The following ABCB9 variants were observed in gnomAD, a reference collection of about 807,000 sequenced individuals.
ABCB9 encodes the protein ATP binding cassette subfamily B member 9.
Under a neutral mutation model 62.0 loss-of-function variants are expected in ABCB9, and 36 were observed. The ratio of observed to expected loss-of-function variants is 0.58; its 90% CI spans 0.45 to 0.77. The LOEUF (loss-of-function observed/expected upper bound fraction) is 0.77, where lower values mean the gene tolerates loss of function less well. Among genes scored for constraint, ABCB9 ranks in the 30% least tolerant of loss-of-function variants. ABCB9 has a pLI of 0.00. For missense variants in ABCB9, 943 were observed against 1,054.7 expected (o/e 0.89, Z 1.47); for synonymous variants, 435 against 461.4 (o/e 0.94, Z 0.73).
At chr12:122,922,011 G>A (rs939763505) in intron 11 of ABCB9, among the ~76,000 whole-genome samples, 1 of 152,124 alleles carries the variant, frequency 6.6e-6, no homozygotes, top group Non-Finnish European at 1.5e-5. Flanking sequence ...AATAGAGGCG[G>A]CTAGGGAGGG....
At chr12:122,960,452 T>A in intron 1 of ABCB9, 130 bp from the exon 2 acceptor site, 1 of 632,168 alleles carries the variant, frequency 1.6e-6, no homozygotes, top group Admixed American at 3.1e-5. Context: ...AATATCAACT[T>A]CCCGGGTACT....
At chr12:122,921,449 A>AATGTT (rs1334451754) in intron 11 of ABCB9, among the ~76,000 whole-genome samples, 1 of 151,996 alleles carries the variant, frequency 6.6e-6, no homozygotes, top group East Asian at 1.9e-4. Context: ...TGCAATGGTT[A>AATGTT]ATGTTATGTT....
At chr12:122,948,429 T>A in intron 5 of ABCB9, 195 bp downstream of exon 5, 1 of 544,624 alleles carries the variant, frequency 1.8e-6, no homozygotes, top group Non-Finnish European at 3.1e-6. Context: ...TTTTCACTGA[T>A]GTATCCCAGT....
chr12:122,955,325 G>A (rs974520308), intron 2 of ABCB9, among the ~76,000 whole-genome samples: 2 of 152,250 alleles, frequency 1.3e-5, no homozygotes, highest in African/African-American at 2.4e-5. Flanking sequence ...ATTTAAGGAT[G>A]TCTGCATTCC....
chr12:122,944,326 G>T lies in ABCB9; in HGVS notation c.1380+65C>A. 1 of 1,463,744 alleles carries T rather than the reference G, an allele frequency of 6.8e-7. No homozygotes were observed. Among genetic ancestry groups the T allele is most frequent in the East Asian group, 2.4e-5 (1 of 40,912 alleles). The allele number at this position is 1,463,744 out of a possible 1,614,324, so 90.7% of individuals were successfully genotyped here. A position where few individuals can be genotyped will look rare whatever the true frequency, so the allele number is the denominator to read the frequency against. The stretch of plus-strand genomic sequence containing the variant: ...GTCCCTGGAGCCCCGCCCCCACCCT[G>T]TTAAGATCCCTCTTCCCCAAACTCC... On this transcript the variant is annotated intron_variant, in intron 7 of 11. Transcript: ENST00000280560. The surrounding 1 kb of genome is among the most constrained non-coding windows in gnomAD (Gnocchi z 4.9).
At chr12:122,956,152 T>C (rs543199076) in intron 2 of ABCB9, among the ~76,000 whole-genome samples, 7 of 152,194 alleles carry the variant, frequency 4.6e-5, no homozygotes, top group Non-Finnish European at 8.8e-5. Context: ...CCTGGTTTAA[T>C]GGGAAGGGGT....
intron 1 of ABCB9, 62 bp from the exon 2 acceptor site, chr12:122,960,384 G>T: frequency 2.6e-6 from 3 of 1,139,488 alleles, no homozygotes; most frequent in Non-Finnish European, 3.6e-6. Context: ...CTGGCTGTGT[G>T]ACCTTGAGAA....
upstream of ABCB9, among the ~76,000 whole-genome samples, chr12:122,970,296 G>C (rs1272117126): frequency 6.6e-6 from 1 of 152,184 alleles, no homozygotes; most frequent in Non-Finnish European, 1.5e-5. Flanking sequence ...CACCCAGGCT[G>C]CAGGGCAGTG....
intron 2 of ABCB9, among the ~76,000 whole-genome samples, chr12:122,954,524 A>G (rs2036529311): frequency 6.6e-6 from 1 of 150,838 alleles, no homozygotes. Context: ...ACAGAGTCTC[A>G]TTCCGTCACC....
Position 122,944,372 on chromosome 12 carries a change from G to A in ABCB9, c.1380+19C>T, listed in dbSNP as rs185804423. ...ACTCCTCCCTTCTCTCTGGATCCCC[G>A]GACACACTGGCCTCTCACCTCCATA... is the stretch of plus-strand genomic sequence containing the variant. On this transcript the variant is annotated intron_variant, in intron 7 of 11. Coordinates refer to ENST00000280560, the MANE Select transcript of ABCB9 (RefSeq NM_019625.4). The surrounding 1 kb of genome is among the most constrained non-coding windows in gnomAD (Gnocchi z 4.9). The A allele has an allele frequency of 4.4e-5, 63 of 1,441,848 alleles. No homozygotes were observed. Among genetic ancestry groups the A allele is most frequent in the African/African-American group, 1.3e-4 (9 of 68,304 alleles). 89.3% of individuals were successfully genotyped at this position (1,441,848 alleles called of 1,614,324 possible). A position where few individuals can be genotyped will look rare whatever the true frequency, so the allele number is the denominator to read the frequency against.
rs538937989 is a variant in ABCB9 at position 122,948,433 on chromosome 12, T to G, written c.1053+191A>C. 1.4e-4 allele frequency: 78 copies of G among 565,452 alleles called. 1 individual carries two copies. In the South Asian group the frequency reaches 1.8e-3, roughly 13 times the overall value. 35.0% of individuals were successfully genotyped at this position (565,452 alleles called of 1,614,324 possible). ...GGGCCTTGTCTTTTTCACTGATGTA[T>G]CCCAGTGCCTGGGACATAGCAGGTG... On this transcript the variant is annotated intron_variant, in intron 5 of 11. Transcript: ENST00000280560.
rs1199504775 is a variant in ABCB9, at chr12:122,931,954, C to T, written c.2040+238G>A. On this transcript the variant is annotated intron_variant, in intron 11 of 11. Transcript: ENST00000280560. ...CCACCACTCATGACCCAGGTCTCCC[C>T]ATTCTGATGCCTTCTCTTGCCCCAC... The T allele has an allele frequency of 4.5e-6, 3 of 669,516 alleles. No homozygotes were observed. In the Admixed American group the frequency reaches 8.9e-5, roughly 20 times the overall value. The allele number at this position is 669,516 out of a possible 1,614,324, so 41.5% of individuals were successfully genotyped here.
At chr12:122,927,522 G>A (rs1253211372), downstream of ABCB9, among the ~76,000 whole-genome samples, 6 of 152,148 alleles carry the variant, frequency 3.9e-5, no homozygotes, top group Admixed American at 6.6e-5. Context: ...AAGGTAATTC[G>A]GTCTCTGGAA....
chr12:122,956,950 G>A (rs1196561397), intron 2 of ABCB9, among the ~76,000 whole-genome samples: 1 of 151,966 alleles, frequency 6.6e-6, no homozygotes, highest in African/African-American at 2.4e-5. Flanking sequence ...GAGCCACCGC[G>A]CCCAGCTTAA....
Position 122,944,276 on chromosome 12 carries a change from TA to T in ABCB9, c.1380+114del. Reference sequence around the variant, plus strand: ...ATCATGCTGTCTCCCCTACTTACCTTAGAGAGAAATACCACATTGTCAGAGT... The same window carrying T: ...ATCATGCTGTCTCCCCTACTTACCTTGAGAGAAATACCACATTGTCAGAGT... On this transcript the variant is annotated intron_variant, in intron 7 of 11. Coordinates refer to ENST00000280560, the MANE Select transcript of ABCB9 (RefSeq NM_019625.4). This position sits in a 1 kb window ranked among gnomAD's most constrained non-coding sequence, Gnocchi z 4.9. 1 of 1,443,866 alleles carries T rather than the reference TA, an allele frequency of 6.9e-7. No homozygotes were observed. The highest frequency in any genetic ancestry group is 1.3e-5 in the South Asian group (1 of 76,102). 89.4% of individuals were successfully genotyped at this position (1,443,866 alleles called of 1,614,324 possible). A position where few individuals can be genotyped will look rare whatever the true frequency, so the allele number is the denominator to read the frequency against.
At chr12:122,943,503 C>T (rs1200250253) in intron 7 of ABCB9, among the ~76,000 whole-genome samples, 1 of 152,218 alleles carries the variant, frequency 6.6e-6, no homozygotes, top group Admixed American at 6.6e-5. Context: ...GGACGAGTCA[C>T]TCCACCGCTC....
At chr12:122,945,737 G>C (rs566331365) in intron 6 of ABCB9, among the ~76,000 whole-genome samples, 55 of 152,184 alleles carry the variant, frequency 3.6e-4, no homozygotes, top group African/African-American at 1.3e-3. Context: ...AATTAGCCAG[G>C]CATGGTGGCG....
Position 122,960,298 on chromosome 12 carries a change from C to T in ABCB9, c.-63G>A. The T allele has an allele frequency of 6.4e-7, 1 of 1,561,380 alleles. No homozygotes were observed. Among genetic ancestry groups the T allele is most frequent in the Non-Finnish European group, 8.7e-7 (1 of 1,152,394 alleles). On this transcript the variant is annotated 5_prime_UTR_variant, in exon 2 of 12. It removes an upstream start codon present in the reference 5' UTR. Transcript: ENST00000280560. ...TTGTAGCTCACGGGGGCAAGGCCATCATCATCCACAGGGCGAGGCCAGGCC... is the reference window on the plus strand; with the variant it reads ...TTGTAGCTCACGGGGGCAAGGCCATTATCATCCACAGGGCGAGGCCAGGCC...
Position 122,929,430 on chromosome 12 carries a change from A to T in ABCB9, c.*481T>A. 1.0e-6 allele frequency: 1 copy of T among 987,150 alleles called. No individual in the cohort carries two copies. The highest frequency in any genetic ancestry group is 4.7e-5 in the South Asian group (1 of 21,310). 61.1% of individuals were successfully genotyped at this position (987,150 alleles called of 1,614,324 possible). A position where few individuals can be genotyped will look rare whatever the true frequency, so the allele number is the denominator to read the frequency against. ...CCCGTTCCCCGTGTCTCCCTCCGGG[A>T]CAGGGAAGCCCCTTCTCTGGAGGGG... On this transcript the variant is annotated 3_prime_UTR_variant, in exon 12 of 12. Coordinates refer to ENST00000280560, the MANE Select transcript of ABCB9 (RefSeq NM_019625.4). This position sits in a 1 kb window ranked among gnomAD's most constrained non-coding sequence, Gnocchi z 6.0.
Sources: allele counts gnomAD v4.1 joint callset (sites outside exome capture counted in the v4.1 genomes callset), GRCh38; gene constraint gnomAD v4.1.1; non-coding constraint Gnocchi (gnomAD v3.1); transcripts MANE v1.5; gene names NCBI Gene and HGNC (gene_info 2026-07-23, HGNC 2026-07-21).